Variants in RNF6 observed in about 807,000 individuals in gnomAD.
RNF6 encodes ring finger protein 6.
In RNF6, 21 loss-of-function variants were observed where a neutral mutation model predicts 50.1. That is an observed-to-expected ratio of 0.42 (90% CI 0.30 to 0.60). The LOEUF (loss-of-function observed/expected upper bound fraction) is 0.60. Ranked by LOEUF, RNF6 falls within the 20% of genes least tolerant of loss-of-function variation. The pLI is 0.20. For synonymous variants in RNF6, 255 were observed against 291.8 expected, an observed-to-expected ratio of 0.87 and a Z score of 1.29; for missense variants, 698 against 838.2, an observed-to-expected ratio of 0.83 and a Z score of 2.07.
At chr13:26,157,945 T>A (rs1417120100) in intron 5 of RNF6, among the ~76,000 whole-genome samples, 1 of 143,486 alleles carries the variant, frequency 7.0e-6, no homozygotes, top group African/African-American at 2.6e-5. Flanking sequence ...GATGGATGGC[T>A]AGCTAGCTAG....
chr13:26,219,583 G>A lies in RNF6; in HGVS notation c.67C>T (p.His23Tyr), dbSNP rs1203857427. The stretch of plus-strand genomic sequence containing the variant: ...TGCTGCCATCTTCTCTCATTTTCAT[G>A]ATGATTATGGTCTTGAGGTAAGGTT... ...EETLPQDHNH[H>Y]ENERRWQQER... Residue 23 changes from histidine to tyrosine, a missense_variant, in exon 3 of 5, where the codon CAT becomes TAT. By Grantham distance (83) the His-to-Tyr change is moderately conservative. Coordinates refer to ENST00000381588, the MANE Select transcript of RNF6 (RefSeq NM_005977.4). The A allele has an allele frequency of 3.7e-6, 6 of 1,613,792 alleles. No homozygotes were observed. The highest frequency in any genetic ancestry group is 2.5e-6 in the Non-Finnish European group (3 of 1,179,946).
intron 5 of RNF6, among the ~76,000 whole-genome samples, chr13:26,143,851 A>G (rs1286540412): frequency 6.6e-6 from 1 of 152,202 alleles, no homozygotes; most frequent in East Asian, 1.9e-4. Context: ...CTGTGAAGTA[A>G]GTTCCTTGGT....
intron 3 of RNF6, among the ~76,000 whole-genome samples, 189 bp from the exon 4 acceptor site, chr13:26,218,795 T>G (rs1870165678): frequency 6.6e-6 from 1 of 152,222 alleles, no homozygotes; most frequent in African/African-American, 2.4e-5. Flanking sequence ...TGTGCTTCAT[T>G]TATTAATCTT....
intron 5 of RNF6, among the ~76,000 whole-genome samples, chr13:26,206,862 A>G (rs1869129619): frequency 1.3e-5 from 2 of 152,016 alleles, no homozygotes; most frequent in South Asian, 2.1e-4. Flanking sequence ...GCAGGTCCAC[A>G]TTATGACTCT....
At chr13:26,211,239 G>A (rs987056857), downstream of RNF6, among the ~76,000 whole-genome samples, 5 of 152,138 alleles carry the variant, frequency 3.3e-5, no homozygotes, top group Admixed American at 6.6e-5. Flanking sequence ...TGCCTTCAGG[G>A]AATTTTCCAT....
At chr13:26,169,701 C>A (rs1183463781) in intron 5 of RNF6, among the ~76,000 whole-genome samples, 2 of 152,200 alleles carry the variant, frequency 1.3e-5, no homozygotes, top group East Asian at 1.9e-4. Context: ...ATCTCAGTTT[C>A]TTTGAGAGGG....
At chr13:26,186,276 C>A (rs577549155) in intron 5 of RNF6, among the ~76,000 whole-genome samples, 1 of 152,346 alleles carries the variant, frequency 6.6e-6, no homozygotes, top group East Asian at 1.9e-4. Flanking sequence ...TCTGACACAT[C>A]TGGAGTGCCG....
chr13:26,148,456 G>C (rs1267196300), intron 5 of RNF6, among the ~76,000 whole-genome samples: 1 of 151,324 alleles, frequency 6.6e-6, no homozygotes, highest in Non-Finnish European at 1.5e-5. Flanking sequence ...TTCCTACTGG[G>C]AAGAAAGTCA....
At chr13:26,153,511 A>C (rs953040313) in intron 5 of RNF6, among the ~76,000 whole-genome samples, 5 of 152,124 alleles carry the variant, frequency 3.3e-5, no homozygotes, top group African/African-American at 1.2e-4. Flanking sequence ...GCACCCAGTC[A>C]AGATATTTTA....
intron 5 of RNF6, among the ~76,000 whole-genome samples, chr13:26,161,685 T>C (rs11840509): frequency 0.058 from 8,802 of 152,332 alleles, 317 homozygotes; most frequent in African/African-American, 0.1. Context: ...AATTATCTTA[T>C]TGGTTCTAAC....
chr13:26,223,012 T>TA (rs1200406630), upstream of RNF6, among the ~76,000 whole-genome samples: 1 of 152,214 alleles, frequency 6.6e-6, no homozygotes, highest in Non-Finnish European at 1.5e-5. Context: ...TTACTAAACT[T>TA]ACCTCACCGT....
At chr13:26,183,037 A>G (rs1030505188) in intron 5 of RNF6, among the ~76,000 whole-genome samples, 1 of 152,170 alleles carries the variant, frequency 6.6e-6, no homozygotes, top group African/African-American at 2.4e-5. Flanking sequence ...TTCTTTCCTG[A>G]CATTTGTTTT....
intron 5 of RNF6, among the ~76,000 whole-genome samples, chr13:26,194,498 T>A (rs576227279): frequency 1.3e-5 from 2 of 152,078 alleles, no homozygotes; most frequent in Non-Finnish European, 2.9e-5. Flanking sequence ...TATCATCACA[T>A]CACTAAAGGC....
At chr13:26,189,761 T>C (rs965644219) in intron 5 of RNF6, among the ~76,000 whole-genome samples, 1 of 152,184 alleles carries the variant, frequency 6.6e-6, no homozygotes, top group African/African-American at 2.4e-5. Context: ...AATAAACCAC[T>C]TCCATGTTTG....
chr13:26,141,309 T>C (rs1325582028), intron 5 of RNF6, among the ~76,000 whole-genome samples: 3 of 151,736 alleles, frequency 2.0e-5, no homozygotes, highest in African/African-American at 7.3e-5. Context: ...ATATCTTTAA[T>C]CCTAGCTACT....
chr13:26,213,837 G>C lies in RNF6; in HGVS notation c.2045C>G (p.Ala682Gly). Residue 682 changes from alanine to glycine, a missense_variant, in exon 5 of 5, where the codon GCA (alanine) becomes GGA (glycine). Ala to Gly is a moderately conservative substitution (Grantham distance 60, BLOSUM62 0). Transcript: ENST00000381588. ...CRQPVLGSNI[A>G]NNG is the part of the protein sequence containing the mutation. ...GATCCCATCACCTTACCCATTGTTT[G>C]CTATGTTAGACCCTAAAACAGGCTG... 1 of 1,605,122 alleles carries C rather than the reference G, an allele frequency of 6.2e-7. No homozygotes were observed. The highest frequency in any genetic ancestry group is 8.5e-7 in the Non-Finnish European group (1 of 1,174,200).
intron 5 of RNF6, among the ~76,000 whole-genome samples, chr13:26,139,534 G>A (rs1004074086): frequency 8.5e-5 from 13 of 152,088 alleles, no homozygotes; most frequent in Admixed American, 3.9e-4. Flanking sequence ...AAAATCCCAC[G>A]GATACAAATA....
At chr13:26,200,261 G>A (rs55757744) in intron 5 of RNF6, among the ~76,000 whole-genome samples, 70,796 of 152,082 alleles carry the variant, frequency 0.47, 19,634 homozygotes, top group East Asian at 0.69. Context: ...CATACAAATA[G>A]CTAAAATCAA....
chr13:26,179,076 C>A (rs1873110889), intron 5 of RNF6, among the ~76,000 whole-genome samples: 1 of 152,174 alleles, frequency 6.6e-6, no homozygotes, highest in Non-Finnish European at 1.5e-5. Context: ...TTATCAATCC[C>A]AGAGGAGGAC....
Sources: gnomAD v4.1 joint callset for allele counts (sites outside exome capture counted in the v4.1 genomes callset) on GRCh38, gnomAD v4.1.1 for gene constraint, MANE v1.5 for transcripts, NCBI Gene and HGNC (gene_info 2026-07-23, HGNC 2026-07-21) for gene names.